The following NKAIN4 variants were observed in gnomAD, a reference collection of about 807,000 sequenced individuals.
NKAIN4 encodes the protein sodium/potassium transporting ATPase interacting 4.
In NKAIN4, 28 loss-of-function variants were observed where a neutral mutation model predicts 28.8. The ratio of observed to expected loss-of-function variants is 0.97; its 90% CI spans 0.72 to 1.33. The LOEUF (loss-of-function observed/expected upper bound fraction) is 1.33, where lower values mean the gene tolerates loss of function less well. Among genes scored for constraint, NKAIN4 ranks in the 40% most tolerant of loss-of-function variants. The pLI, the probability that NKAIN4 is intolerant of heterozygous loss-of-function variation, is 0.00. For synonymous variants in NKAIN4, 122 were observed against 115.6 expected, an observed-to-expected ratio of 1.06 and a Z score of -0.36; for missense variants, 289 against 277.2, an observed-to-expected ratio of 1.04 and a Z score of -0.30.
Position 63,250,521 on chromosome 20 carries a change from G to A in NKAIN4, c.55-449C>T, listed in dbSNP as rs184749026. Among the ~76,000 whole-genome samples, 37 of 148,542 alleles carry A rather than the reference G, an allele frequency of 2.5e-4. 1 individual carries two copies. The highest frequency in any genetic ancestry group is 1.2e-4 in the African/African-American group (5 of 41,248). ...GGTCGGATGGCCGGGAGGGACGGAC[G>A]CGGGTTCACAAGAGTACTGGACGCC... On this transcript the variant is annotated intron_variant, in intron 1 of 6. Coordinates refer to ENST00000370316, the MANE Select transcript of NKAIN4 (RefSeq NM_152864.4).
At chr20:63,248,965 C>G in intron 2 of NKAIN4, 70 bp from the exon 3 acceptor site, 1 of 1,054,356 alleles carries the variant, frequency 9.5e-7, no homozygotes, top group Non-Finnish European at 1.5e-6. Context: ...ATCCAGCCCC[C>G]GGGGGAAGGG....
intron 4 of NKAIN4, chr20:63,246,962 C>A: frequency 1.0e-6 from 1 of 990,000 alleles, no homozygotes; most frequent in South Asian, 4.6e-5. Context: ...CTGTTCTCTA[C>A]CAACCCGTGC....
In NKAIN4 at chr20:63,252,401, T is replaced by C. The variant is rs572024603; in HGVS notation, c.54+1996A>G. The stretch of plus-strand genomic sequence containing the variant: ...CACTGTTCTTTGGGGAGAAAGGCGC[T>C]CAGAAGAGATGCCTGGGCCCTTTGT... On this transcript the variant is annotated intron_variant, in intron 1 of 6. Transcript: ENST00000370316. The surrounding 1 kb of genome is among the most constrained non-coding windows in gnomAD (Gnocchi z 4.6). Among the ~76,000 whole-genome samples, 16 of 151,844 alleles carry C rather than the reference T, an allele frequency of 1.1e-4. 2 individuals are homozygous for C. In the South Asian group the frequency reaches 3.3e-3, roughly 32 times the overall value.
chr20:63,243,491 G>A (rs562209484), intron 5 of NKAIN4, among the ~76,000 whole-genome samples: 1 of 152,184 alleles, frequency 6.6e-6, no homozygotes, highest in African/African-American at 2.4e-5. Context: ...CTTCTCCACA[G>A]GGTCTTCCTG....
chr20:63,253,410 C>T, intron 1 of NKAIN4: 1 of 985,464 alleles, frequency 1.0e-6, no homozygotes, highest in Non-Finnish European at 1.2e-6. Context: ...AAGCCGAGCA[C>T]AGGACACCCA....
chr20:63,247,815 G>T, intron 3 of NKAIN4, 40 bp from the exon 4 acceptor site: 9 of 1,421,410 alleles, frequency 6.3e-6, no homozygotes, highest in Non-Finnish European at 7.4e-6. Context: ...TTAGCACCAG[G>T]AGGTGGGCGG....
chr20:63,241,445 G>A lies in NKAIN4; in HGVS notation c.*52C>T, dbSNP rs1164539899. 5 of 1,548,266 alleles carry A rather than the reference G, an allele frequency of 3.2e-6. No homozygotes were observed. The highest frequency in any genetic ancestry group is 4.4e-6 in the Non-Finnish European group (5 of 1,145,284). ...CCTGGGAGCTCCTGTCATTGTCACT[G>A]GTCGGTCGCTGAGGCTGGAGGCCAC... On this transcript the variant is annotated 3_prime_UTR_variant, in exon 7 of 7. Coordinates refer to ENST00000370316, the MANE Select transcript of NKAIN4 (RefSeq NM_152864.4).
At chr20:63,251,946 G>A (rs946512624) in intron 1 of NKAIN4, among the ~76,000 whole-genome samples, 7 of 152,108 alleles carry the variant, frequency 4.6e-5, no homozygotes, top group African/African-American at 1.2e-4. Flanking sequence ...CCGGAGCCCC[G>A]GGGGGAAGGT....
At chr20:63,242,317 A>C (rs1479993390) in intron 6 of NKAIN4, among the ~76,000 whole-genome samples, 4 of 152,038 alleles carry the variant, frequency 2.6e-5, no homozygotes, top group African/African-American at 9.7e-5. Flanking sequence ...CTGGGCTCTG[A>C]GCTTCTGGGC....
chr20:63,253,722 A>G (rs1056054597), intron 1 of NKAIN4, among the ~76,000 whole-genome samples: 3 of 152,134 alleles, frequency 2.0e-5, no homozygotes, highest in Non-Finnish European at 4.4e-5. Context: ...GGCAGAATGG[A>G]AACTTGGCCG....
In NKAIN4 at chr20:63,249,928, G is replaced by GACTC; in HGVS notation, c.192+3_192+6dup. ...TGCCCATAAAGAGGGCCGGGCCCAG[G>GACTC]ACTCACCACCATGACATAGCGCAGC... On this transcript the variant is annotated splice_region_variant and intron_variant, in intron 2 of 6. Coordinates refer to ENST00000370316, the MANE Select transcript of NKAIN4 (RefSeq NM_152864.4). The GACTC allele has an allele frequency of 6.2e-7, 1 of 1,611,598 alleles. No individual in the cohort carries two copies. The highest frequency in any genetic ancestry group is 8.5e-7 in the Non-Finnish European group (1 of 1,179,042).
intron 4 of NKAIN4, chr20:63,246,587 C>G: frequency 1.0e-6 from 1 of 985,432 alleles, no homozygotes; most frequent in East Asian, 1.1e-4. Context: ...CACCGCCAGC[C>G]GCCGGCCATG....
At chr20:63,243,940 G>C (rs867849905) in intron 5 of NKAIN4, 84 bp downstream of exon 5, 1 of 1,197,462 alleles carries the variant, frequency 8.4e-7, no homozygotes, top group African/African-American at 1.5e-5. Context: ...GAGGTCTCTC[G>C]CCTTGCCCCA....
intron 1 of NKAIN4, among the ~76,000 whole-genome samples, chr20:63,250,905 G>A (rs1418284238): frequency 1.7e-4 from 8 of 47,236 alleles, no homozygotes; most frequent in Admixed American, 8.2e-4. Flanking sequence ...CACCCCAGCC[G>A]CCCTATCCCC....
chr20:63,250,986 C>G (rs1196497159), intron 1 of NKAIN4, among the ~76,000 whole-genome samples: 1 of 151,072 alleles, frequency 6.6e-6, no homozygotes, highest in East Asian at 2.0e-4. Flanking sequence ...ACCACTACCA[C>G]CAAGACGCAG....
intron 4 of NKAIN4, 67 bp downstream of exon 4, chr20:63,247,511 C>A: frequency 1.3e-6 from 2 of 1,547,620 alleles, no homozygotes; most frequent in South Asian, 2.4e-5. Flanking sequence ...GGGAGATGAG[C>A]CCCCAGCTCC....
chr20:63,248,972 A>AG (rs2066909216), intron 2 of NKAIN4, 77 bp from the exon 3 acceptor site: 1 of 991,562 alleles, frequency 1.0e-6, no homozygotes, highest in African/African-American at 1.6e-5. Flanking sequence ...CCCCGGGGGA[A>AG]GGGGTCCCAT....
At position 63,250,067 on chromosome 20, in the gene NKAIN4, G is replaced by A. The variant is rs546186821; in HGVS notation, c.60C>T (p.Ala20=). The change falls in exon 2 of 7, where the codon GCC becomes GCT. Residue 20 remains alanine, a synonymous_variant. Coordinates refer to ENST00000370316, the MANE Select transcript of NKAIN4 (RefSeq NM_152864.4). ...AGTCAAACACCTGCCTCTCCAGGGCGGCGACCTAGGAGCAGGGCGGGCGCC... is the reference window on the plus strand; with the variant it reads ...AGTCAAACACCTGCCTCTCCAGGGCAGCGACCTAGGAGCAGGGCGGGCGCC... ...LVVLCAFQLV[A]ALERQVFDFL... is the part of the protein sequence containing the mutation. The A allele has an allele frequency of 2.5e-5, 40 of 1,572,468 alleles. No homozygotes were observed. Among genetic ancestry groups the A allele is most frequent in the Admixed American group, 9.4e-5 (5 of 53,344 alleles).
chr20:63,247,414 A>AC, intron 4 of NKAIN4, 164 bp downstream of exon 4: 1 of 1,536,520 alleles, frequency 6.5e-7, no homozygotes, highest in Non-Finnish European at 8.7e-7. Context: ...CATGGGACCC[A>AC]CCCGTGATAC....
Sources: gnomAD v4.1 joint callset for allele counts (sites outside exome capture counted in the v4.1 genomes callset) on GRCh38, gnomAD v4.1.1 for gene constraint, Gnocchi (gnomAD v3.1) non-coding constraint, MANE v1.5 for transcripts, NCBI Gene and HGNC (gene_info 2026-07-23, HGNC 2026-07-21) for gene names.